Variants in KPNA4 observed in about 807,000 individuals in gnomAD.
KPNA4 encodes karyopherin subunit alpha 4.
A neutral mutation model predicts 71.3 loss-of-function variants in KPNA4; 13 were observed. The ratio of observed to expected loss-of-function variants is 0.18; its 90% CI spans 0.12 to 0.29. The LOEUF (loss-of-function observed/expected upper bound fraction) is 0.29. Ranked by LOEUF, KPNA4 falls within the 10% of genes least tolerant of loss-of-function variation. The probability of loss-of-function intolerance (pLI) is 1.00; values close to 1 mark genes in which losing one functional copy is unlikely to be tolerated. For synonymous variants in KPNA4, 189 were observed against 195.2 expected (o/e 0.97, Z 0.26); for missense variants, 334 against 603.2 (o/e 0.55, Z 4.67).
At chr3:160,504,527 T>C (rs951028352) in intron 16 of KPNA4, among the ~76,000 whole-genome samples, 1 of 152,200 alleles carries the variant, frequency 6.6e-6, no homozygotes, top group Non-Finnish European at 1.5e-5. Flanking sequence ...TTTATTTCCA[T>C]CTTATTTATT....
rs1239025744 is a variant in KPNA4, at chr3:160,499,157, A to C, written c.*2947T>G. ...TTTTAATGATTCATAGATAGCTCTA[A>C]TTATAGAAATGCTCCAGGTTTGGTC... is the stretch of plus-strand genomic sequence containing the variant. On this transcript the variant is annotated 3_prime_UTR_variant, in exon 17 of 17. Coordinates refer to ENST00000334256, the MANE Select transcript of KPNA4 (RefSeq NM_002268.5). The C allele has an allele frequency of 1.3e-5, 2 of 152,212 alleles. No homozygotes were observed. The highest frequency in any genetic ancestry group is 2.4e-5 in the African/African-American group (1 of 41,454). The allele number at this position is 152,212 out of a possible 1,614,324, so 9.4% of individuals were successfully genotyped here.
Position 160,565,303 on chromosome 3 carries a change from C to G in KPNA4, c.-21G>C. On this transcript the variant is annotated 5_prime_UTR_variant, in exon 1 of 17. Transcript: ENST00000334256. ...GCCATGGCCGGGCCGGTGACTCCTTCCCCCGCCCGGGCCCCGCGGGATCCG... is the reference window on the plus strand; with the variant it reads ...GCCATGGCCGGGCCGGTGACTCCTTGCCCCGCCCGGGCCCCGCGGGATCCG... The G allele has an allele frequency of 6.3e-7, 1 of 1,577,246 alleles. No individual in the cohort carries two copies. Among genetic ancestry groups the G allele is most frequent in the Non-Finnish European group, 8.6e-7 (1 of 1,160,270 alleles).
At chr3:160,546,343 C>A (rs1721907099) in intron 1 of KPNA4, among the ~76,000 whole-genome samples, 1 of 152,122 alleles carries the variant, frequency 6.6e-6, no homozygotes, top group Admixed American at 6.5e-5. Context: ...CATGGCGAAA[C>A]CCTGACTCTA....
intron 1 of KPNA4, among the ~76,000 whole-genome samples, chr3:160,538,189 ATATT>A (rs1560052287): frequency 2.6e-5 from 4 of 150,982 alleles, no homozygotes; most frequent in African/African-American, 9.7e-5. Context: ...ATATATATAC[ATATT>A]TAGTTACAAA....
At chr3:160,540,061 G>C (rs1317810344) in intron 1 of KPNA4, among the ~76,000 whole-genome samples, 1 of 145,514 alleles carries the variant, frequency 6.9e-6, no homozygotes, top group African/African-American at 2.5e-5. Context: ...GTACAGTAAC[G>C]GGATCTCGGC....
At chr3:160,521,323 G>A (rs1042606712) in intron 11 of KPNA4, among the ~76,000 whole-genome samples, 1 of 152,184 alleles carries the variant, frequency 6.6e-6, no homozygotes, top group Non-Finnish European at 1.5e-5. Context: ...ATCCGGCCAG[G>A]CATGGTGGTT....
intron 1 of KPNA4, among the ~76,000 whole-genome samples, chr3:160,549,201 A>G (rs1721989663): frequency 6.6e-6 from 1 of 152,194 alleles, no homozygotes; most frequent in Admixed American, 6.5e-5. Context: ...TTTATCAGAT[A>G]CATCATTTGC....
chr3:160,564,943 C>A (rs1259814287), intron 1 of KPNA4, among the ~76,000 whole-genome samples: 2 of 146,202 alleles, frequency 1.4e-5, no homozygotes, highest in African/African-American at 4.9e-5. Flanking sequence ...CCGCGCGGCC[C>A]GGCCCCTCGC....
chr3:160,517,844 A>T (rs1032357136), intron 11 of KPNA4, among the ~76,000 whole-genome samples: 10 of 150,872 alleles, frequency 6.6e-5, no homozygotes, highest in Non-Finnish European at 1.2e-4. Context: ...TTTATACATT[A>T]AATATTTTAG....
chr3:160,557,928 T>C (rs922739360), intron 1 of KPNA4, among the ~76,000 whole-genome samples: 4 of 152,188 alleles, frequency 2.6e-5, no homozygotes, highest in Admixed American at 1.3e-4. Context: ...GCAATCCTCC[T>C]GCCTCAGCCT....
At position 160,499,665 on chromosome 3, in the gene KPNA4, A is replaced by C. The variant is rs1206495265; in HGVS notation, c.*2439T>G. On this transcript the variant is annotated 3_prime_UTR_variant, in exon 17 of 17. Transcript: ENST00000334256. ...GTAGTCCTTATACCCAGAGATATTA[A>C]TATCACCCTTACCTATTTTCCATAT... is the stretch of plus-strand genomic sequence containing the variant. 2 of 152,284 alleles carry C rather than the reference A, an allele frequency of 1.3e-5. No homozygotes were observed. Among genetic ancestry groups the C allele is most frequent in the Middle Eastern group, 3.4e-3 (1 of 294 alleles). The allele number at this position is 152,284 out of a possible 1,614,324, so 9.4% of individuals were successfully genotyped here.
At chr3:160,515,653 C>T (rs979852311) in intron 11 of KPNA4, 73 bp from the exon 12 acceptor site, 11 of 1,537,760 alleles carry the variant, frequency 7.2e-6, no homozygotes, top group Admixed American at 3.6e-5. Context: ...CTTGCTCTGT[C>T]GCCCAGGGTA....
At chr3:160,509,266 G>C (rs980009364) in intron 14 of KPNA4, among the ~76,000 whole-genome samples, 8 of 152,026 alleles carry the variant, frequency 5.3e-5, no homozygotes, top group Non-Finnish European at 5.9e-5. Flanking sequence ...TTCCTTGTTT[G>C]GTTTGCTGCT....
At chr3:160,511,873 A>G (rs933764997) in intron 13 of KPNA4, among the ~76,000 whole-genome samples, 4 of 151,946 alleles carry the variant, frequency 2.6e-5, no homozygotes, top group Non-Finnish European at 5.9e-5. Flanking sequence ...TGTAAGAAAA[A>G]TAAGTAATTA....
intron 1 of KPNA4, among the ~76,000 whole-genome samples, chr3:160,554,059 G>A (rs2108560513): frequency 6.6e-6 from 1 of 152,268 alleles, no homozygotes; most frequent in South Asian, 2.1e-4. Flanking sequence ...CTTAACAAAT[G>A]AATTCAATAC....
chr3:160,537,654 A>G (rs781593232), intron 1 of KPNA4, among the ~76,000 whole-genome samples: 15 of 149,528 alleles, frequency 1.0e-4, no homozygotes, highest in Non-Finnish European at 1.9e-4. Flanking sequence ...TCTAATAAAT[A>G]TCACAAACTT....
intron 16 of KPNA4, among the ~76,000 whole-genome samples, chr3:160,503,764 GA>G (rs748768879): frequency 3.3e-5 from 5 of 152,162 alleles, no homozygotes; most frequent in African/African-American, 4.8e-5. Context: ...CCAACTTCAA[GA>G]CATACGATCA....
At chr3:160,534,237 T>C (rs1348623841) in intron 5 of KPNA4, among the ~76,000 whole-genome samples, 1 of 152,226 alleles carries the variant, frequency 6.6e-6, no homozygotes, top group Non-Finnish European at 1.5e-5. Context: ...AGTTTCTTAC[T>C]TGTCTCTTTC....
At chr3:160,521,751 C>T (rs371854091) in intron 11 of KPNA4, 28 bp downstream of exon 11, 3 of 1,604,072 alleles carry the variant, frequency 1.9e-6, no homozygotes, top group Middle Eastern at 2.3e-4. Flanking sequence ...GTAAGAAATA[C>T]TTATAATTTA....
Sources: allele counts gnomAD v4.1 joint callset (sites outside exome capture counted in the v4.1 genomes callset), GRCh38; gene constraint gnomAD v4.1.1; transcripts MANE v1.5; gene names NCBI Gene and HGNC (gene_info 2026-07-23, HGNC 2026-07-21).